PTPRK: variants seen among roughly 807,000 people sequenced by gnomAD.
PTPRK encodes protein tyrosine phosphatase receptor type K, also known as receptor-type tyrosine-protein phosphatase kappa.
In PTPRK, 75 loss-of-function variants were observed where a neutral mutation model predicts 178.0. The observed-to-expected ratio is 0.42, with a 90% CI of 0.35 to 0.51. The LOEUF is 0.51. Ranked by LOEUF, PTPRK falls within the 20% of genes least tolerant of loss-of-function variation. PTPRK has a pLI of 0.02. For synonymous variants in PTPRK, 637 were observed against 620.6 expected (o/e 1.03, Z -0.39); for missense variants, 1,441 against 1,797.8 (o/e 0.80, Z 3.59).
chr6:128,036,237 A>G (rs1459909555), intron 13 of PTPRK, among the ~76,000 whole-genome samples: 2 of 152,182 alleles, frequency 1.3e-5, no homozygotes, highest in Non-Finnish European at 2.9e-5. Context: ...ACTGAGTTTT[A>G]TATGGATTCA....
In PTPRK at chr6:128,057,882, C is replaced by G. The variant is rs565204130; in HGVS notation, c.2194+6876G>C. On this transcript the variant is annotated intron_variant, in intron 13 of 29. Coordinates refer to ENST00000368226, the MANE Select transcript of PTPRK (RefSeq NM_002844.4). The stretch of plus-strand genomic sequence containing the variant: ...TATATAGGTACTGCATACCTTTTAA[C>G]TTTTATTAGTTATTTTACCTCTTTT... 5.9e-5 allele frequency among the ~76,000 whole-genome samples: 9 copies of G among 152,232 alleles called. No homozygotes were observed. The South Asian group carries it at 1.5e-3, about 25-fold the overall frequency.
chr6:128,260,923 A>G (rs1465977603), intron 3 of PTPRK, among the ~76,000 whole-genome samples: 6 of 152,166 alleles, frequency 3.9e-5, no homozygotes, highest in Non-Finnish European at 7.3e-5. Context: ...TGAAAATAAA[A>G]ATTTAAATTG....
intron 1 of PTPRK, among the ~76,000 whole-genome samples, chr6:128,424,896 CA>C: frequency 6.6e-6 from 1 of 152,086 alleles, no homozygotes; most frequent in Middle Eastern, 3.4e-3. Context: ...CAGCCACATA[CA>C]ACTAACATCA....
intron 7 of PTPRK, among the ~76,000 whole-genome samples, chr6:128,163,015 T>C (rs1798908345): frequency 6.6e-6 from 1 of 151,544 alleles, no homozygotes; most frequent in Non-Finnish European, 1.5e-5. Flanking sequence ...ATGAATAACA[T>C]TATGCTTAAC....
intron 7 of PTPRK, among the ~76,000 whole-genome samples, chr6:128,132,593 T>C (rs1483748601): frequency 1.3e-5 from 2 of 152,214 alleles, no homozygotes; most frequent in African/African-American, 2.4e-5. Context: ...GTACTGTAAA[T>C]CTTTCCTGTA....
intron 3 of PTPRK, among the ~76,000 whole-genome samples, chr6:128,297,873 A>C (rs1477482822): frequency 2.6e-5 from 4 of 152,098 alleles, no homozygotes; most frequent in Non-Finnish European, 4.4e-5. Context: ...AATAACTAAA[A>C]TCAGAGCAGA....
chr6:128,087,161 A>G (rs758644850), intron 8 of PTPRK, among the ~76,000 whole-genome samples: 3 of 152,130 alleles, frequency 2.0e-5, no homozygotes, highest in African/African-American at 7.2e-5. Flanking sequence ...TATGAAAAAG[A>G]TTATATAAGC....
intron 1 of PTPRK, among the ~76,000 whole-genome samples, chr6:128,457,732 AAG>A (rs199539365): frequency 3.4e-4 from 51 of 152,222 alleles, no homozygotes; most frequent in Middle Eastern, 6.8e-3. Flanking sequence ...TAAAAATGAC[AAG>A]AGTTTGTTTA....
At chr6:128,232,743 C>A (rs1006343596) in intron 5 of PTPRK, among the ~76,000 whole-genome samples, 2 of 152,196 alleles carry the variant, frequency 1.3e-5, no homozygotes, top group Non-Finnish European at 2.9e-5. Flanking sequence ...CATCATTGTT[C>A]AAGTTTACTC....
intron 6 of PTPRK, among the ~76,000 whole-genome samples, chr6:128,214,544 C>CATTATTATT (rs369013218): frequency 0.013 from 1,959 of 150,022 alleles, 42 homozygotes; most frequent in African/African-American, 0.046. Flanking sequence ...ACCAGTGATG[C>CATTATTATT]ATTATTATTA....
intron 1 of PTPRK, among the ~76,000 whole-genome samples, chr6:128,429,762 T>A (rs373876016): frequency 6.6e-6 from 1 of 152,214 alleles, no homozygotes; most frequent in Non-Finnish European, 1.5e-5. Flanking sequence ...ACTCAGAATG[T>A]AAACTTACTC....
chr6:128,394,255 T>G lies in PTPRK; in HGVS notation c.223+3311A>C, dbSNP rs74359625. Among the ~76,000 whole-genome samples the G allele has an allele frequency of 4.2e-3, 646 of 152,348 alleles. 4 individuals carry two copies. Among genetic ancestry groups the G allele is most frequent in the Non-Finnish European group, 7.7e-3 (524 of 68,036 alleles). ...CACTTTATGAATATGCCACCATTTA[T>G]TTATACATTGCACTGCTGACAGACA... On this transcript the variant is annotated intron_variant, in intron 2 of 29. Transcript: ENST00000368226.
chr6:128,203,817 A>G (rs1221754894), intron 6 of PTPRK, among the ~76,000 whole-genome samples: 2 of 152,240 alleles, frequency 1.3e-5, no homozygotes, highest in Non-Finnish European at 2.9e-5. Flanking sequence ...ATGGACAGGA[A>G]GAATCAATGT....
At chr6:128,060,922 G>T (rs1057323828) in intron 13 of PTPRK, among the ~76,000 whole-genome samples, 1 of 151,994 alleles carries the variant, frequency 6.6e-6, no homozygotes, top group Admixed American at 6.6e-5. Context: ...TTTCATAATT[G>T]CAGACAGTAC....
rs967160777 is a variant in PTPRK, at chr6:128,190,189, C to T, written c.869-5464G>A. ...AAATTTTAGATTTAATAAGGTTTCT[C>T]CTACACTGCCAGTTTAAAAACTGCA... On this transcript the variant is annotated intron_variant, in intron 6 of 29. Coordinates refer to ENST00000368226, the MANE Select transcript of PTPRK (RefSeq NM_002844.4). 2.6e-5 allele frequency among the ~76,000 whole-genome samples: 4 copies of T among 152,128 alleles called. No homozygotes were observed. In the South Asian group the frequency reaches 8.3e-4, roughly 32 times the overall value.
rs931873526 is a variant in PTPRK, at chr6:128,208,362, A to G, written c.868+10560T>C. On this transcript the variant is annotated intron_variant, in intron 6 of 29. Transcript: ENST00000368226. ...AAACATTGATGTAGGAAAAAGGTCC[A>G]GGAGCATTATTATCAGGAGCAATAA... 7.9e-5 allele frequency among the ~76,000 whole-genome samples: 12 copies of G among 152,162 alleles called. No individual in the cohort carries two copies. In the East Asian group the frequency reaches 2.3e-3, roughly 29 times the overall value.
chr6:128,439,989 C>T (rs890710894), intron 1 of PTPRK, among the ~76,000 whole-genome samples: 29 of 152,174 alleles, frequency 1.9e-4, no homozygotes, highest in African/African-American at 6.8e-4. Flanking sequence ...AACAACAGAG[C>T]TGGAACTGCA....
chr6:128,158,031 T>C (rs1352100220), intron 7 of PTPRK, among the ~76,000 whole-genome samples: 1 of 152,034 alleles, frequency 6.6e-6, no homozygotes, highest in Admixed American at 6.6e-5. Flanking sequence ...TCCTGAATGG[T>C]ATTGCCTAGG....
chr6:128,290,914 T>G (rs1823271383), intron 3 of PTPRK, among the ~76,000 whole-genome samples: 1 of 152,074 alleles, frequency 6.6e-6, no homozygotes, highest in African/African-American at 2.4e-5. Context: ...TTATCTTTTT[T>G]TTGCTGTTAA....
Sources: allele counts gnomAD v4.1 joint callset (sites outside exome capture counted in the v4.1 genomes callset), GRCh38; gene constraint gnomAD v4.1.1; transcripts MANE v1.5; gene names NCBI Gene and HGNC (gene_info 2026-07-23, HGNC 2026-07-21).